METTL13: variants seen among roughly 807,000 people sequenced by gnomAD.
The protein encoded by METTL13 is methyltransferase 13, eEF1A N-terminus and K55, also known as eEF1A lysine and N-terminal methyltransferase.
Under a neutral mutation model 67.4 loss-of-function variants are expected in METTL13, and 52 were observed. That is an observed-to-expected ratio of 0.77 (90% confidence interval 0.62 to 0.97). The LOEUF (loss-of-function observed/expected upper bound fraction) is 0.97. METTL13 is among the 50% of genes least tolerant of loss of function. The pLI, the probability that METTL13 is intolerant of heterozygous loss-of-function variation, is 0.00. For synonymous variants in METTL13, 354 were observed against 353.6 expected (o/e 1.00, Z -0.01); for missense variants, 825 against 889.6 (o/e 0.93, Z 0.92).
At position 171,782,111 on chromosome 1, in the gene METTL13, C is replaced by T. The variant is rs1175952227; in HGVS notation, c.144C>T (p.Pro48=). ...LCGVLHKYIK[P]REKVLVIGCG... is the part of the protein sequence containing the mutation. ...GGGTGCTACATAAATATATCAAGCCCAGGGAAAAGGTGAGGAGCGCGGGTT... is the reference window on the plus strand; with the variant it reads ...GGGTGCTACATAAATATATCAAGCCTAGGGAAAAGGTGAGGAGCGCGGGTT... Residue 48 remains proline (P), a synonymous_variant, in exon 1 of 8, where the codon CCC becomes CCT. Transcript: ENST00000361735. 2 of 1,613,622 alleles carry T rather than the reference C, an allele frequency of 1.2e-6. No individual in the cohort carries two copies. Among genetic ancestry groups the T allele is most frequent in the Admixed American group, 1.7e-5 (1 of 59,954 alleles).
chr1:171,794,217 T>C (rs752560966), intron 6 of METTL13, among the ~76,000 whole-genome samples, 179 bp from the exon 7 acceptor site: 6 of 152,238 alleles, frequency 3.9e-5, no homozygotes, highest in African/African-American at 1.2e-4. Flanking sequence ...TGAACCCTGA[T>C]GACAAAGACT....
Position 171,795,645 on chromosome 1 carries a change from AC to A in METTL13, c.1826-835del, listed in dbSNP as rs1227511550. Among the ~76,000 whole-genome samples the A allele has an allele frequency of 2.0e-5, 3 of 152,292 alleles. No homozygotes were observed. In the East Asian group the frequency reaches 5.8e-4, roughly 29 times the overall value. ...TGGGGCTCAAAGTCAGTGCCTTGTC[AC>A]CTCAAAACTGGAGCCTTTAATCCCT... On this transcript the variant is annotated intron_variant, in intron 7 of 7. Transcript: ENST00000361735.
chr1:171,781,719 C>A lies in METTL13; in HGVS notation c.-249C>A, dbSNP rs1571161264. On this transcript the variant is annotated 5_prime_UTR_variant, in exon 1 of 8. Coordinates refer to ENST00000361735, the MANE Select transcript of METTL13 (RefSeq NM_015935.5). ...CGGGAAAAGTGTGAGGGGCTCTTCA[C>A]GTGGGGAAGGAACAGCAGGCGCGGA... 16 of 1,251,366 alleles carry A rather than the reference C, an allele frequency of 1.3e-5. No individual in the cohort carries two copies. The highest frequency in any genetic ancestry group is 1.4e-5 in the Non-Finnish European group (14 of 972,822). The allele number at this position is 1,251,366 out of a possible 1,614,324, so 77.5% of individuals were successfully genotyped here.
chr1:171,790,746 C>A, intron 5 of METTL13, 130 bp downstream of exon 5: 1 of 1,046,146 alleles, frequency 9.6e-7, no homozygotes, highest in Non-Finnish European at 1.3e-6. Flanking sequence ...TCATCTCAAC[C>A]ATGTTATAAG....
At chr1:171,795,017 G>T in intron 7 of METTL13, among the ~76,000 whole-genome samples, 1 of 152,022 alleles carries the variant, frequency 6.6e-6, no homozygotes, top group East Asian at 1.9e-4. Flanking sequence ...GTAGAGATAG[G>T]ATCTCAACAT....
chr1:171,788,158 C>G (rs576017276), intron 4 of METTL13, among the ~76,000 whole-genome samples: 19 of 152,294 alleles, frequency 1.2e-4, no homozygotes, highest in Admixed American at 7.2e-4. Flanking sequence ...GTGATAATCA[C>G]ATTAATGTCT....
At position 171,794,517 on chromosome 1, in the gene METTL13, G is replaced by T; in HGVS notation, c.1815G>T (p.Leu605Phe). Reference protein sequence around the residue: ...QSFLQKVKSILTPEGVFILNL... With the variant: ...QSFLQKVKSIFTPEGVFILNL... ...TTCTACAGAAGGTTAAAAGCATCTT[G>T]ACTCCTGAAGGTATGGAGAACAAAA... Residue 605 changes from leucine (L) to phenylalanine (F), a missense_variant, in exon 7 of 8, where the codon TTG (leucine) becomes TTT (phenylalanine). By Grantham distance (22) the Leu-to-Phe change is conservative. Coordinates refer to ENST00000361735, the MANE Select transcript of METTL13 (RefSeq NM_015935.5). 6.2e-7 allele frequency: 1 copy of T among 1,614,214 alleles called. No individual in the cohort carries two copies. Among genetic ancestry groups the T allele is most frequent in the Non-Finnish European group, 8.5e-7 (1 of 1,180,036 alleles).
At position 171,795,210 on chromosome 1, in the gene METTL13, T is replaced by C. The variant is rs188109252; in HGVS notation, c.1825+683T>C. ...CACAGTGTTGTGTTTACATGGCTTA[T>C]TTTTATTGCTGTGTTATATCATGTA... On this transcript the variant is annotated intron_variant, in intron 7 of 7. Coordinates refer to ENST00000361735, the MANE Select transcript of METTL13 (RefSeq NM_015935.5). Among the ~76,000 whole-genome samples, 7 of 152,342 alleles carry C rather than the reference T, an allele frequency of 4.6e-5. No homozygotes were observed. The East Asian group carries it at 1.3e-3, about 29-fold the overall frequency.
Position 171,786,065 on chromosome 1 carries a change from C to T in METTL13, c.1100C>T (p.Pro367Leu). The T allele has an allele frequency of 6.2e-7, 1 of 1,612,732 alleles. No homozygotes were observed. Among genetic ancestry groups the T allele is most frequent in the South Asian group, 1.1e-5 (1 of 90,990 alleles). ...RVMELAPAGM[P>L]TQQQVPFLSV... ...ATGGAGCTGGCCCCAGCTGGGATGC[C>T]CACCCAGCAGCAGGTAACAAAGCTT... is the stretch of plus-strand genomic sequence containing the variant. The change falls in exon 3 of 8, where the codon CCC (proline) becomes CTC (leucine). Residue 367 changes from proline to leucine, a missense_variant. Coordinates refer to ENST00000361735, the MANE Select transcript of METTL13 (RefSeq NM_015935.5).
In METTL13 at chr1:171,792,039, G is replaced by A. The variant is rs1340336053; in HGVS notation, c.1497G>A (p.Val499=). The A allele has an allele frequency of 1.9e-6, 3 of 1,612,620 alleles. No individual in the cohort carries two copies. Among genetic ancestry groups the A allele is most frequent in the Admixed American group, 1.7e-5 (1 of 60,006 alleles). ...LLLEIPLALL[V]VGLGGGSLPL... ...CAGAGATCCCACTGGCATTGTTGGT[G>A]GTAGGCCTGGGCGGGGGCAGCCTCC... Residue 499 remains valine (V), a synonymous_variant, in exon 6 of 8, where the codon GTG becomes GTA. Transcript: ENST00000361735.
At chr1:171,792,390 G>GTACCAGCTA (rs1571170693) in intron 6 of METTL13, among the ~76,000 whole-genome samples, 155 bp downstream of exon 6, 1 of 152,246 alleles carries the variant, frequency 6.6e-6, no homozygotes, top group African/African-American at 2.4e-5. Context: ...ATTCACTAGA[G>GTACCAGCTA]TACCAGCTAT....
intron 7 of METTL13, 129 bp from the exon 8 acceptor site, chr1:171,796,353 C>G (rs567711002): frequency 9.0e-7 from 1 of 1,117,040 alleles, no homozygotes; most frequent in South Asian, 1.5e-5. Flanking sequence ...TCTGCAAACT[C>G]ATCACCACCG....
At position 171,782,043 on chromosome 1, in the gene METTL13, A is replaced by G. The variant is rs1352752414; in HGVS notation, c.76A>G (p.Lys26Glu). Residue 26 changes from lysine (K) to glutamate (E), a missense_variant, in exon 1 of 8, where the codon AAG becomes GAG. Transcript: ENST00000361735. ...YWEKFFQQRG[K>E]KAFEWYGTYL... ...GGAGAAGTTCTTCCAGCAGCGAGGA[A>G]AGAAAGCTTTCGAGTGGTATGGAAC... 1 of 1,613,714 alleles carries G rather than the reference A, an allele frequency of 6.2e-7. No individual in the cohort carries two copies. The highest frequency in any genetic ancestry group is 8.5e-7 in the Non-Finnish European group (1 of 1,179,842).
At chr1:171,794,602 C>A in intron 7 of METTL13, 75 bp downstream of exon 7, 1 of 1,594,626 alleles carries the variant, frequency 6.3e-7, no homozygotes, top group Non-Finnish European at 8.6e-7. Flanking sequence ...ATGAAAAATG[C>A]ACAGAAGTGC....
intron 7 of METTL13, among the ~76,000 whole-genome samples, chr1:171,795,829 T>A (rs1056817172): frequency 6.6e-6 from 1 of 152,032 alleles, no homozygotes; most frequent in Admixed American, 6.6e-5. Flanking sequence ...CCCTGTGGAG[T>A]TGGTAAATTT....
chr1:171,792,253 T>C lies in METTL13; in HGVS notation c.1693+18T>C, dbSNP rs768732432. ...AGGAGAAGGTACTGCTCTTGGAGCA[T>C]TTGAAGGGGTGTTGAGGGATGATTG... is the stretch of plus-strand genomic sequence containing the variant. On this transcript the variant is annotated intron_variant, in intron 6 of 7. Transcript: ENST00000361735. 12 of 1,613,544 alleles carry C rather than the reference T, an allele frequency of 7.4e-6. No individual in the cohort carries two copies. Among genetic ancestry groups the C allele is most frequent in the Middle Eastern group, 1.7e-4 (1 of 5,996 alleles).
Position 171,787,777 on chromosome 1 carries a change from G to A in METTL13, c.1156G>A (p.Val386Ile), listed in dbSNP as rs375233550. ...SVGGDIGVRT[V>I]QHQDCSPLSG... The stretch of plus-strand genomic sequence containing the variant: ...GGGTGGGGACATTGGGGTCCGGACC[G>A]TTCAGCACCAAGACTGCAGCCCCTT... Residue 386 changes from valine to isoleucine, a missense_variant, in exon 4 of 8, where the codon GTT (valine) becomes ATT (isoleucine). By Grantham distance (29) the Val-to-Ile change is conservative (BLOSUM62 3). Coordinates refer to ENST00000361735, the MANE Select transcript of METTL13 (RefSeq NM_015935.5). The A allele has an allele frequency of 7.0e-5, 113 of 1,614,046 alleles. No individual in the cohort carries two copies. The highest frequency in any genetic ancestry group is 8.6e-5 in the Non-Finnish European group (101 of 1,180,034).
chr1:171,784,355 A>T lies in METTL13; in HGVS notation c.769A>T (p.Ser257Cys). The T allele has an allele frequency of 6.3e-7, 1 of 1,579,506 alleles. No individual in the cohort carries two copies. Among genetic ancestry groups the T allele is most frequent in the Non-Finnish European group, 8.6e-7 (1 of 1,162,608 alleles). ...GCGACAGCAGTATGCCTGGCTGTGC[A>T]GCCAGCTGCGCCGCAAGGCCAGGCT... The part of the protein sequence containing the change: ...QERQQYAWLC[S>C]QLRRKARLGS... The change falls in exon 2 of 8, where the codon AGC (serine) becomes TGC (cysteine). Residue 257 changes from serine (S) to cysteine (C), a missense_variant. Coordinates refer to ENST00000361735, the MANE Select transcript of METTL13 (RefSeq NM_015935.5).
chr1:171,786,182 T>TAG, intron 3 of METTL13, 104 bp downstream of exon 3: 5 of 1,234,660 alleles, frequency 4.0e-6, no homozygotes, highest in Non-Finnish European at 5.6e-6. Flanking sequence ...TCTGTGACTC[T>TAG]TCATCTAATC....
Sources: gnomAD v4.1 joint callset for allele counts (sites outside exome capture counted in the v4.1 genomes callset) on GRCh38, gnomAD v4.1.1 for gene constraint, MANE v1.5 for transcripts, NCBI Gene and HGNC (gene_info 2026-07-23, HGNC 2026-07-21) for gene names.